Variants in HCRTR2 observed in about 807,000 individuals in gnomAD.
HCRTR2 encodes hypocretin receptor 2, also known as orexin receptor type 2.
HCRTR2 carries 22 observed loss-of-function variants against 49.0 expected under a neutral mutation model. That is an observed-to-expected ratio of 0.45 (90% CI 0.32 to 0.64). HCRTR2 has a LOEUF of 0.64. Among genes scored for constraint, HCRTR2 ranks in the 30% least tolerant of loss-of-function variants. The pLI, the probability that HCRTR2 is intolerant of heterozygous loss-of-function variation, is 0.04. For missense variants in HCRTR2, 491 were observed against 559.4 expected (o/e 0.88, Z 1.23); for synonymous variants, 236 against 205.3 (o/e 1.15, Z -1.28).
chr6:55,193,946 A>G (rs1227063570), intron 1 of HCRTR2, among the ~76,000 whole-genome samples: 1 of 152,104 alleles, frequency 6.6e-6, no homozygotes, highest in Non-Finnish European at 1.5e-5. Context: ...GAAAAATCTC[A>G]AGTAGGTTGT....
intron 1 of HCRTR2, among the ~76,000 whole-genome samples, chr6:55,163,271 AC>A (rs1764832111): frequency 1.3e-5 from 2 of 151,640 alleles, no homozygotes; most frequent in African/African-American, 4.8e-5. Context: ...AAAAAAAAAA[AC>A]TACCTTAAAT....
At chr6:55,161,443 C>G (rs1041633503) in intron 1 of HCRTR2, among the ~76,000 whole-genome samples, 1 of 151,726 alleles carries the variant, frequency 6.6e-6, no homozygotes, top group Non-Finnish European at 1.5e-5. Context: ...CAAAGGCAAA[C>G]AAATTCAAAA....
rs532772237 is a variant in HCRTR2, at chr6:55,147,640, T to A, written c.-377-26571T>A. ...TACAATAGGCTGCTCTATGATGTTA[T>A]CTTTCTATAATTCATTTTGATGATC... On this transcript the variant is annotated intron_variant, in intron 1 of 7. Transcript: ENST00000615358. 5.9e-5 allele frequency among the ~76,000 whole-genome samples: 9 copies of A among 152,300 alleles called. No homozygotes were observed. In the South Asian group the frequency reaches 1.9e-3, roughly 32 times the overall value.
chr6:55,152,401 C>T lies in HCRTR2; in HGVS notation c.-377-21810C>T, dbSNP rs532327520. On this transcript the variant is annotated intron_variant, in intron 1 of 7. Coordinates refer to the HCRTR2 transcript ENST00000615358. ...TTGAAAAATTATATATTGAGATCTT[C>T]TGTCCATTTTTTAATTGGTATTTTT... Among the ~76,000 whole-genome samples the T allele has an allele frequency of 3.3e-5, 5 of 152,024 alleles. No homozygotes were observed. In the East Asian group the frequency reaches 9.7e-4, roughly 29 times the overall value.
chr6:55,199,237 T>C (rs1270416560), intron 1 of HCRTR2, among the ~76,000 whole-genome samples: 1 of 151,800 alleles, frequency 6.6e-6, no homozygotes, highest in Non-Finnish European at 1.5e-5. Context: ...CTTTTTAATT[T>C]CTAATTTTGT....
At chr6:55,127,016 G>A (rs977780736) in intron 1 of HCRTR2, among the ~76,000 whole-genome samples, 1 of 152,106 alleles carries the variant, frequency 6.6e-6, no homozygotes, top group Non-Finnish European at 1.5e-5. Context: ...CTATGGGAGT[G>A]GGACCCACCG....
chr6:55,162,487 G>C (rs1007530812), intron 1 of HCRTR2, among the ~76,000 whole-genome samples: 1 of 152,146 alleles, frequency 6.6e-6, no homozygotes, highest in African/African-American at 2.4e-5. Flanking sequence ...GTTCTGGCCA[G>C]GGCAATCAGG....
At chr6:55,277,657 TAAC>T in intron 5 of HCRTR2, 57 bp downstream of exon 5, 3 of 1,213,508 alleles carry the variant, frequency 2.5e-6, no homozygotes, top group Admixed American at 2.4e-5. Context: ...GATTCTTAAT[TAAC>T]TTTTTTTTTT....
intron 1 of HCRTR2, among the ~76,000 whole-genome samples, chr6:55,137,495 A>G (rs1157588738): frequency 2.6e-5 from 4 of 152,200 alleles, no homozygotes; most frequent in African/African-American, 4.8e-5. Flanking sequence ...AGACATTACA[A>G]ATTCCAAGAT....
At chr6:55,112,896 C>G (rs1319108171) in intron 1 of HCRTR2, among the ~76,000 whole-genome samples, 1 of 151,830 alleles carries the variant, frequency 6.6e-6, no homozygotes, top group Non-Finnish European at 1.5e-5. Flanking sequence ...AGGCTATAGT[C>G]AACAAAACAG....
chr6:55,257,377 G>A (rs565636118), intron 3 of HCRTR2, among the ~76,000 whole-genome samples: 2 of 152,100 alleles, frequency 1.3e-5, no homozygotes, highest in Admixed American at 1.3e-4. Context: ...CTTCCAACTT[G>A]TAAGTTGGGA....
At chr6:55,239,808 C>T (rs1464180137) in intron 1 of HCRTR2, among the ~76,000 whole-genome samples, 13 of 133,838 alleles carry the variant, frequency 9.7e-5, no homozygotes, top group Non-Finnish European at 1.8e-4. Context: ...GACGGAGTCT[C>T]ACTCTGTCGC....
chr6:55,122,204 G>C (rs1764210802), intron 1 of HCRTR2, among the ~76,000 whole-genome samples: 1 of 152,134 alleles, frequency 6.6e-6, no homozygotes, highest in Non-Finnish European at 1.5e-5. Context: ...GGGTGTATGT[G>C]TCGAGGAATT....
At chr6:55,165,243 G>A (rs1251706697) in intron 1 of HCRTR2, among the ~76,000 whole-genome samples, 1 of 151,882 alleles carries the variant, frequency 6.6e-6, no homozygotes, top group East Asian at 1.9e-4. Flanking sequence ...GAGAGAGTGG[G>A]ATAGGGGTAG....
At chr6:55,199,111 A>G (rs1233451120) in intron 1 of HCRTR2, among the ~76,000 whole-genome samples, 1 of 152,198 alleles carries the variant, frequency 6.6e-6, no homozygotes, top group Non-Finnish European at 1.5e-5. Flanking sequence ...GTTCTCTGAA[A>G]GGAGAATTAG....
intron 5 of HCRTR2, among the ~76,000 whole-genome samples, chr6:55,279,832 T>G (rs1390716426): frequency 6.6e-6 from 1 of 152,056 alleles, no homozygotes; most frequent in Non-Finnish European, 1.5e-5. Flanking sequence ...CTCTGGGTAT[T>G]AAGGAGTCCC....
chr6:55,154,535 TAG>T (rs1351510130), intron 1 of HCRTR2, among the ~76,000 whole-genome samples: 1 of 151,786 alleles, frequency 6.6e-6, no homozygotes, highest in Non-Finnish European at 1.5e-5. Context: ...ATCATCTGAA[TAG>T]ATGCAGAAAA....
rs542654074 is a variant in HCRTR2 at position 55,161,711 on chromosome 6, G to A, written c.-377-12500G>A. On this transcript the variant is annotated intron_variant, in intron 1 of 7. Transcript: ENST00000615358. ...CAGAGAATACTATAGACACCTCTATGCAAATAAACTAGAAAACCTAGAAGA... is the reference window on the plus strand; with the variant it reads ...CAGAGAATACTATAGACACCTCTATACAAATAAACTAGAAAACCTAGAAGA... Among the ~76,000 whole-genome samples the A allele has an allele frequency of 2.6e-5, 4 of 152,232 alleles. No homozygotes were observed. The South Asian group carries it at 6.2e-4, about 24-fold the overall frequency.
intron 1 of HCRTR2, among the ~76,000 whole-genome samples, chr6:55,233,280 G>A (rs1445663567): frequency 2.0e-5 from 3 of 151,998 alleles, no homozygotes; most frequent in Admixed American, 1.3e-4. Flanking sequence ...TAGTAAACAT[G>A]GGGTTTTACC....
Sources: gnomAD v4.1 joint callset for allele counts (sites outside exome capture counted in the v4.1 genomes callset) on GRCh38, gnomAD v4.1.1 for gene constraint, MANE v1.5 for transcripts, NCBI Gene and HGNC (gene_info 2026-07-23, HGNC 2026-07-21) for gene names.